Variants in KLHL29 observed in about 807,000 individuals in gnomAD.
KLHL29 encodes kelch-like protein 29.
Under a neutral mutation model 80.4 loss-of-function variants are expected in KLHL29, and 21 were observed. The ratio of observed to expected loss-of-function variants is 0.26; its 90% CI spans 0.19 to 0.38. KLHL29 has a LOEUF of 0.38. Among genes scored for constraint, KLHL29 ranks in the 10% least tolerant of loss-of-function variants. The pLI, the probability that KLHL29 is intolerant of heterozygous loss-of-function variation, is 1.00. For synonymous variants in KLHL29, 511 were observed against 526.8 expected (o/e 0.97, Z 0.41); for missense variants, 867 against 1,223.9 (o/e 0.71, Z 4.35).
chr2:23,461,472 C>T (rs1484875679), intron 1 of KLHL29, among the ~76,000 whole-genome samples: 1 of 152,150 alleles, frequency 6.6e-6, no homozygotes, highest in Non-Finnish European at 1.5e-5. Flanking sequence ...TTGAGGTAAC[C>T]ACTTCTTGTT....
intron 2 of KLHL29, among the ~76,000 whole-genome samples, chr2:23,495,243 T>C (rs1025002794): frequency 6.6e-6 from 1 of 151,984 alleles, no homozygotes; most frequent in African/African-American, 2.4e-5. Context: ...CAGGAGGTGG[T>C]CCCTGTAGTG....
intron 5 of KLHL29, among the ~76,000 whole-genome samples, chr2:23,650,319 T>C (rs1266682563): frequency 3.3e-5 from 5 of 151,940 alleles, no homozygotes; most frequent in African/African-American, 1.2e-4. Flanking sequence ...GGACACAGAA[T>C]TATGATTTTC....
intron 3 of KLHL29, among the ~76,000 whole-genome samples, chr2:23,627,386 A>G (rs1669342466): frequency 6.6e-6 from 1 of 152,258 alleles, no homozygotes; most frequent in Middle Eastern, 3.2e-3. Context: ...GCCAGCGCCC[A>G]GGAGCTGGAA....
intron 1 of KLHL29, among the ~76,000 whole-genome samples, chr2:23,396,811 G>A (rs964936626): frequency 6.6e-6 from 1 of 152,196 alleles, no homozygotes; most frequent in African/African-American, 2.4e-5. Flanking sequence ...GTAAAAATAA[G>A]AAGCACCTGG....
intron 1 of KLHL29, among the ~76,000 whole-genome samples, chr2:23,471,822 G>A (rs1264634961): frequency 6.6e-6 from 1 of 151,994 alleles, no homozygotes; most frequent in Non-Finnish European, 1.5e-5. Flanking sequence ...TGATTTCCTG[G>A]GTTCATTCCT....
Position 23,680,648 on chromosome 2 carries a change from T to A in KLHL29, c.941-3751T>A, listed in dbSNP as rs1047476510. Among the ~76,000 whole-genome samples the A allele has an allele frequency of 5.3e-5, 8 of 151,408 alleles. No individual in the cohort carries two copies. The highest frequency in any genetic ancestry group is 1.0e-4 in the Non-Finnish European group (7 of 67,838). On this transcript the variant is annotated intron_variant, in intron 5 of 13. Coordinates refer to ENST00000486442, the MANE Select transcript of KLHL29 (RefSeq NM_052920.2). This position sits in a 1 kb window ranked among gnomAD's most constrained non-coding sequence, Gnocchi z 4.1. ...CTCTCTAGGCCATCTTCTCCTGGGG[T>A]CTCTAGGCCATCTTCTCCTGGGCTC...
intron 3 of KLHL29, among the ~76,000 whole-genome samples, chr2:23,598,594 A>G (rs1489202107): frequency 1.3e-5 from 2 of 152,156 alleles, no homozygotes; most frequent in African/African-American, 4.8e-5. Flanking sequence ...ACCCCTCTCC[A>G]AGGACTGATC....
At chr2:23,491,909 C>T (rs1250053107) in intron 2 of KLHL29, among the ~76,000 whole-genome samples, 1 of 152,200 alleles carries the variant, frequency 6.6e-6, no homozygotes, top group Non-Finnish European at 1.5e-5. Context: ...CCACGTACTA[C>T]AGGCTGTCAG....
chr2:23,588,427 C>T (rs927094033), intron 3 of KLHL29, among the ~76,000 whole-genome samples: 21 of 152,342 alleles, frequency 1.4e-4, no homozygotes, highest in Middle Eastern at 3.4e-3. Context: ...CCCTTGCCCG[C>T]CTGGGCCCTG....
chr2:23,634,234 G>A (rs374651382), intron 3 of KLHL29, among the ~76,000 whole-genome samples: 1 of 152,340 alleles, frequency 6.6e-6, no homozygotes, highest in African/African-American at 2.4e-5. Context: ...GTGGCCTGCA[G>A]GTTCCCATCT....
At chr2:23,642,929 AG>A in intron 5 of KLHL29, 79 bp downstream of exon 5, 1 of 1,491,776 alleles carries the variant, frequency 6.7e-7, no homozygotes, top group East Asian at 2.5e-5. Context: ...CCACCGGGAC[AG>A]GGGGTGCTTC....
chr2:23,671,754 G>C (rs1670770618), intron 5 of KLHL29, among the ~76,000 whole-genome samples: 1 of 152,186 alleles, frequency 6.6e-6, no homozygotes, highest in African/African-American at 2.4e-5. Flanking sequence ...AGTAGGAGGT[G>C]GTCTCATGAG....
At chr2:23,483,443 A>G (rs1302063499) in intron 2 of KLHL29, among the ~76,000 whole-genome samples, 2 of 152,230 alleles carry the variant, frequency 1.3e-5, no homozygotes, top group African/African-American at 4.8e-5. Context: ...TCCCAAGGTC[A>G]CTGTCTCATA....
rs185796914 is a variant in KLHL29, at chr2:23,543,404, T to C, written c.-45-18748T>C. Among the ~76,000 whole-genome samples the C allele has an allele frequency of 2.7e-3, 417 of 152,168 alleles. 3 individuals carry two copies. Among genetic ancestry groups the C allele is most frequent in the African/African-American group, 9.4e-3 (392 of 41,506 alleles). ...CCCCGGGATGTGCGGGAGGGTTAAA[T>C]GTAAAATGTCATCATTCTTCAAGCA... On this transcript the variant is annotated intron_variant, in intron 2 of 13. Coordinates refer to ENST00000486442, the MANE Select transcript of KLHL29 (RefSeq NM_052920.2).
chr2:23,684,354 ACT>A lies in KLHL29; in HGVS notation c.941-42_941-41del. On this transcript the variant is annotated intron_variant, in intron 5 of 13. Coordinates refer to ENST00000486442, the MANE Select transcript of KLHL29 (RefSeq NM_052920.2). The surrounding 1 kb of genome is among the most constrained non-coding windows in gnomAD (Gnocchi z 4.4). Reference sequence around the variant, plus strand: ...ACTTTTTTTAATTAAAAAAAAAAAAACTCTTAATGGGAACCTGGCCCTGTCTG... The same window carrying A: ...ACTTTTTTTAATTAAAAAAAAAAAAACTTAATGGGAACCTGGCCCTGTCTG... 1 of 1,316,542 alleles carries A rather than the reference ACT, an allele frequency of 7.6e-7. No homozygotes were observed. The highest frequency in any genetic ancestry group is 9.8e-7 in the Non-Finnish European group (1 of 1,018,868). The allele number at this position is 1,316,542 out of a possible 1,614,324, so 81.6% of individuals were successfully genotyped here. A position where few individuals can be genotyped will look rare whatever the true frequency, so the allele number is the denominator to read the frequency against.
intron 3 of KLHL29, among the ~76,000 whole-genome samples, chr2:23,572,503 C>T (rs1270483033): frequency 1.3e-5 from 2 of 152,328 alleles, no homozygotes; most frequent in African/African-American, 4.8e-5. Flanking sequence ...CTGTAAAAGT[C>T]AGCTGCCCGT....
chr2:23,602,988 C>T (rs1437284338), intron 3 of KLHL29, among the ~76,000 whole-genome samples: 1 of 152,198 alleles, frequency 6.6e-6, no homozygotes, highest in Non-Finnish European at 1.5e-5. Context: ...GACATCACAG[C>T]TCTTGCCAAT....
At chr2:23,532,441 C>CGCACCCTCT (rs1666520309) in intron 2 of KLHL29, 1 of 400,000 alleles carries the variant, frequency 2.5e-6, no homozygotes, top group Admixed American at 2.7e-5. Flanking sequence ...GGGGAGCCCA[C>CGCACCCTCT]GCACCCTCTG....
chr2:23,659,244 C>T (rs111661803), intron 5 of KLHL29, among the ~76,000 whole-genome samples: 87 of 152,326 alleles, frequency 5.7e-4, no homozygotes, highest in African/African-American at 1.9e-3. Context: ...CCGTCCGCAG[C>T]GGCGCTGGGG....
Sources: gnomAD v4.1 joint callset for allele counts (sites outside exome capture counted in the v4.1 genomes callset) on GRCh38, gnomAD v4.1.1 for gene constraint, Gnocchi (gnomAD v3.1) non-coding constraint, MANE v1.5 for transcripts, NCBI Gene and HGNC (gene_info 2026-07-23, HGNC 2026-07-21) for gene names.